TMEM130: variants seen among roughly 807,000 people sequenced by gnomAD.
TMEM130 encodes the protein transmembrane protein 130.
Under a neutral mutation model 42.9 loss-of-function variants are expected in TMEM130, and 37 were observed. The ratio of observed to expected loss-of-function variants is 0.86; its 90% CI spans 0.66 to 1.13. The LOEUF (loss-of-function observed/expected upper bound fraction) is 1.13, where lower values mean the gene tolerates loss of function less well. Among genes scored for constraint, TMEM130 ranks in the 50% most tolerant of loss-of-function variants. The pLI, the probability that TMEM130 is intolerant of heterozygous loss-of-function variation, is 0.00. For synonymous variants in TMEM130, 259 were observed against 237.7 expected, an observed-to-expected ratio of 1.09 and a Z score of -0.82; for missense variants, 545 against 562.6, an observed-to-expected ratio of 0.97 and a Z score of 0.32.
intron 1 of TMEM130, among the ~76,000 whole-genome samples, chr7:98,867,533 A>G (rs1181638808): frequency 1.3e-5 from 2 of 152,202 alleles, no homozygotes; most frequent in Non-Finnish European, 2.9e-5. Flanking sequence ...TAGCAGGGAC[A>G]TTCGGCTGCA....
Position 98,869,489 on chromosome 7 carries a change from C to T in TMEM130, c.85+288G>A. On this transcript the variant is annotated intron_variant, in intron 1 of 7. Coordinates refer to ENST00000339375, the MANE Select transcript of TMEM130 (RefSeq NM_152913.3). This position sits in a 1 kb window ranked among gnomAD's most constrained non-coding sequence, Gnocchi z 4.7. ...CATGGTCCCCAGGCATCGACGGATG[C>T]GCCGGCCACCCCCGCGCGGTTTCCA... is the stretch of plus-strand genomic sequence containing the variant. 1.3e-6 allele frequency: 1 copy of T among 773,256 alleles called. No homozygotes were observed. Among genetic ancestry groups the T allele is most frequent in the Non-Finnish European group, 1.6e-6 (1 of 635,856 alleles). 47.9% of individuals were successfully genotyped at this position (773,256 alleles called of 1,614,324 possible). A position where few individuals can be genotyped will look rare whatever the true frequency, so the allele number is the denominator to read the frequency against.
chr7:98,852,849 A>G (rs568990081), intron 5 of TMEM130, among the ~76,000 whole-genome samples: 2 of 152,288 alleles, frequency 1.3e-5, no homozygotes, highest in East Asian at 3.9e-4. Context: ...CACCCACCTC[A>G]GCCTCTGAAA....
chr7:98,869,650 G>A lies in TMEM130; in HGVS notation c.85+127C>T, dbSNP rs868971656. ...GCTGCAGTGGCCTCAGCCGAGGAGG[G>A]AGATGCGCGCAGGGCGCACGGTGCC... is the stretch of plus-strand genomic sequence containing the variant. On this transcript the variant is annotated intron_variant, in intron 1 of 7. Transcript: ENST00000339375. This position sits in a 1 kb window ranked among gnomAD's most constrained non-coding sequence, Gnocchi z 4.7. 1 of 717,154 alleles carries A rather than the reference G, an allele frequency of 1.4e-6. No homozygotes were observed. Among genetic ancestry groups the A allele is most frequent in the African/African-American group, 1.9e-5 (1 of 53,750 alleles). The allele number at this position is 717,154 out of a possible 1,614,324, so 44.4% of individuals were successfully genotyped here.
Position 98,852,558 on chromosome 7 carries a change from C to G in TMEM130, c.804-935G>C, listed in dbSNP as rs181659111. Among the ~76,000 whole-genome samples, 42 of 152,196 alleles carry G rather than the reference C, an allele frequency of 2.8e-4. No individual in the cohort carries two copies. The East Asian group carries it at 7.8e-3, about 28-fold the overall frequency. Reference sequence around the variant, plus strand: ...TACAGGCATGAGCCACTGCAACCAGCATGAGAGAGTTGTTTTTTGTTTGTT... The same window carrying G: ...TACAGGCATGAGCCACTGCAACCAGGATGAGAGAGTTGTTTTTTGTTTGTT... On this transcript the variant is annotated intron_variant, in intron 5 of 7. Transcript: ENST00000339375.
At chr7:98,861,517 C>T (rs191723753) in intron 2 of TMEM130, among the ~76,000 whole-genome samples, 27 of 152,170 alleles carry the variant, frequency 1.8e-4, no homozygotes, top group African/African-American at 6.5e-4. Flanking sequence ...GAGTTTGAGA[C>T]CAGCCTGGCC....
chr7:98,849,999 T>G (rs1361512868), intron 6 of TMEM130, among the ~76,000 whole-genome samples: 1 of 152,002 alleles, frequency 6.6e-6, no homozygotes, highest in African/African-American at 2.4e-5. Context: ...GATGATAGTT[T>G]TGGAAAGGTA....
At chr7:98,858,067 T>C (rs574575012) in intron 3 of TMEM130, among the ~76,000 whole-genome samples, 1 of 152,260 alleles carries the variant, frequency 6.6e-6, no homozygotes, top group South Asian at 2.1e-4. Flanking sequence ...TTCTAAGTTC[T>C]CCACTCAGTA....
chr7:98,862,561 C>A (rs901265807), intron 2 of TMEM130, among the ~76,000 whole-genome samples: 1 of 138,362 alleles, frequency 7.2e-6, no homozygotes, highest in African/African-American at 2.8e-5. Flanking sequence ...TGCAGTGGCA[C>A]GTTCTCGGCT....
chr7:98,852,072 G>A (rs953769463), intron 5 of TMEM130, among the ~76,000 whole-genome samples: 6 of 151,804 alleles, frequency 4.0e-5, no homozygotes, highest in South Asian at 2.1e-4. Flanking sequence ...TCAGCCTCCC[G>A]AGTAGCTGGG....
At position 98,856,159 on chromosome 7, in the gene TMEM130, G is replaced by A. The variant is rs138583514; in HGVS notation, c.576C>T (p.Ser192=). Residue 192 remains serine (S), a synonymous_variant, in exon 4 of 8, where the codon TCC becomes TCT. Transcript: ENST00000339375. ...TGATGGAATAGTTATAATAGACCAC[G>A]GAGTCTTCAGTCACCATCTGGGTCC... ...GDGTQMVTED[S]VVYYNYSIIG... The A allele has an allele frequency of 4.4e-4, 704 of 1,613,844 alleles. 6 individuals carry two copies. In the African/African-American group the frequency reaches 7.1e-3, roughly 16 times the overall value.
intron 1 of TMEM130, among the ~76,000 whole-genome samples, chr7:98,864,299 G>T (rs1554400320): frequency 6.6e-6 from 1 of 151,892 alleles, no homozygotes. Context: ...TCAAACTCCT[G>T]GGCTCAAGTG....
chr7:98,859,145 G>A (rs1364036227), intron 3 of TMEM130, among the ~76,000 whole-genome samples: 1 of 151,664 alleles, frequency 6.6e-6, no homozygotes, highest in Non-Finnish European at 1.5e-5. Context: ...GAGGAAGGGA[G>A]TAGGGCCAAG....
In TMEM130 at chr7:98,848,194, G is replaced by C; in HGVS notation, c.1134C>G (p.Pro378=). The change falls in exon 8 of 8, where the codon CCC becomes CCG. Residue 378 remains proline (P), a synonymous_variant. Coordinates refer to ENST00000339375, the MANE Select transcript of TMEM130 (RefSeq NM_152913.3). ...QKDMVENPEP[P]SGVRCCCQMC... is the part of the protein sequence containing the mutation. ...TCTGGCAGCAGCACCTGACCCCAGA[G>C]GGTGGCTCCGGGTTCTTGTCAGACA... 1 of 1,614,096 alleles carries C rather than the reference G, an allele frequency of 6.2e-7. No homozygotes were observed. The highest frequency in any genetic ancestry group is 8.5e-7 in the Non-Finnish European group (1 of 1,180,000).
rs781818236 is a variant in TMEM130 at position 98,855,224 on chromosome 7, T to G, written c.803+16A>C. On this transcript the variant is annotated intron_variant, in intron 5 of 7. Coordinates refer to ENST00000339375, the MANE Select transcript of TMEM130 (RefSeq NM_152913.3). ...AGCCCACGGGGCACCCCCAGTGCGC[T>G]CTGGAGCTCACTTACCTCCCCAGGA... is the stretch of plus-strand genomic sequence containing the variant. 1.2e-6 allele frequency: 2 copies of G among 1,611,388 alleles called. No homozygotes were observed. Among genetic ancestry groups the G allele is most frequent in the South Asian group, 2.2e-5 (2 of 90,662 alleles).
chr7:98,860,816 A>G (rs1296766266), intron 2 of TMEM130, among the ~76,000 whole-genome samples: 3 of 151,812 alleles, frequency 2.0e-5, no homozygotes, highest in Non-Finnish European at 4.4e-5. Context: ...GGTGGCACAC[A>G]CCTGTAGTCA....
intron 6 of TMEM130, among the ~76,000 whole-genome samples, chr7:98,850,273 A>ATATATATATATATATTTTTTTT: frequency 8.5e-5 from 3 of 35,448 alleles, no homozygotes; most frequent in Non-Finnish European, 1.3e-4. Flanking sequence ...ATATATATAT[A>ATATATATATATATATTTTTTTT]TTTTTTTTTT....
intron 5 of TMEM130, among the ~76,000 whole-genome samples, chr7:98,853,797 G>A (rs1356966877): frequency 6.6e-6 from 1 of 152,202 alleles, no homozygotes; most frequent in Non-Finnish European, 1.5e-5. Context: ...AGGAGCCTGG[G>A]TCAGGCTGCC....
rs782818970 is a variant in TMEM130, at chr7:98,869,799, C to G, written c.63G>C (p.Trp21Cys). 7.7e-6 allele frequency: 11 copies of G among 1,434,304 alleles called. No homozygotes were observed. In the Admixed American group the frequency reaches 2.9e-4, roughly 38 times the overall value. 88.8% of individuals were successfully genotyped at this position (1,434,304 alleles called of 1,614,324 possible). Reference protein sequence around the residue: ...RILWLACLLPWAPAGVAAGLY... With the variant: ...RILWLACLLPCAPAGVAAGLY... ...TACCTGCGGCCACCCCTGCCGGGGC[C>G]CAGGGCAGGAGGCAGGCAAGCCAGA... Residue 21 changes from tryptophan (W) to cysteine (C), a missense_variant, in exon 1 of 8, where the codon TGG (tryptophan) becomes TGC (cysteine). By Grantham distance (215) the Trp-to-Cys change is radical. Transcript: ENST00000339375. The surrounding 1 kb of genome is among the most constrained non-coding windows in gnomAD (Gnocchi z 4.7).
At position 98,848,189 on chromosome 7, in the gene TMEM130, CCA is replaced by C. The variant is rs1554397656; in HGVS notation, c.1137_1138del (p.Val381GlnfsTer18). On this transcript the variant is annotated frameshift_variant, in exon 8 of 8. Transcript: ENST00000339375. LOFTEE classifies it high-confidence loss of function. ...GCACATCTGGCAGCAGCACCTGACC[CCA>C]GAGGGTGGCTCCGGGTTCTTGTCAG... 6.2e-7 allele frequency: 1 copy of C among 1,614,068 alleles called. No individual in the cohort carries two copies. Among genetic ancestry groups the C allele is most frequent in the Admixed American group, 1.7e-5 (1 of 60,002 alleles).
Sources: gnomAD v4.1 joint callset for allele counts (sites outside exome capture counted in the v4.1 genomes callset) on GRCh38, gnomAD v4.1.1 for gene constraint, Gnocchi (gnomAD v3.1) non-coding constraint, MANE v1.5 for transcripts, NCBI Gene and HGNC (gene_info 2026-07-23, HGNC 2026-07-21) for gene names.